Variants in NAALADL2 observed in about 807,000 individuals in gnomAD.
NAALADL2 encodes N-acetylated alpha-linked acidic dipeptidase like 2.
A neutral mutation model predicts 87.2 loss-of-function variants in NAALADL2; 76 were observed. The observed-to-expected ratio is 0.87, with a 90% confidence interval of 0.72 to 1.05. NAALADL2 has a LOEUF of 1.05. NAALADL2 is among the 50% of genes least tolerant of loss of function. The pLI is 0.00. For missense variants in NAALADL2, 1,089 were observed against 945.8 expected (o/e 1.15, Z -1.99); for synonymous variants, 354 against 331.0 (o/e 1.07, Z -0.75).
chr3:175,072,370 AGTT>A (rs10565793), intron 1 of NAALADL2, among the ~76,000 whole-genome samples: 16,947 of 151,986 alleles, frequency 0.11, 1,061 homozygotes, highest in East Asian at 0.21. Context: ...AATAAATGCT[AGTT>A]GTTATTTTTA....
intron 2 of NAALADL2, among the ~76,000 whole-genome samples, chr3:174,554,588 A>G (rs1321085038): frequency 6.6e-6 from 1 of 152,016 alleles, no homozygotes; most frequent in African/African-American, 2.4e-5. Flanking sequence ...GAAGCATGTC[A>G]TTTATTATTC....
chr3:174,637,233 T>A (rs2108717667), intron 2 of NAALADL2, among the ~76,000 whole-genome samples: 1 of 152,134 alleles, frequency 6.6e-6, no homozygotes, highest in South Asian at 2.1e-4. Flanking sequence ...TACAGTTAGA[T>A]AGAAGGTATA....
chr3:174,769,640 A>G (rs1294668087), intron 3 of NAALADL2, among the ~76,000 whole-genome samples: 2 of 151,566 alleles, frequency 1.3e-5, no homozygotes, highest in African/African-American at 2.4e-5. Flanking sequence ...TCATAAAAAT[A>G]CAATGAAAAA....
At chr3:174,919,456 T>C (rs9808985) in intron 1 of NAALADL2, among the ~76,000 whole-genome samples, 35,607 of 152,128 alleles carry the variant, frequency 0.23, 4,455 homozygotes, top group East Asian at 0.35. Flanking sequence ...GAAACCACTG[T>C]CTTTGCTCAT....
chr3:175,796,766 T>C (rs929096825), intron 13 of NAALADL2, among the ~76,000 whole-genome samples: 1 of 152,220 alleles, frequency 6.6e-6, no homozygotes, highest in Non-Finnish European at 1.5e-5. Context: ...TAGGAGTTTC[T>C]CAACATGGGG....
intron 1 of NAALADL2, among the ~76,000 whole-genome samples, chr3:175,012,503 G>C (rs1749971899): frequency 6.6e-6 from 1 of 152,034 alleles, no homozygotes; most frequent in Non-Finnish European, 1.5e-5. Flanking sequence ...GTTTACTCCT[G>C]AATTGTCATT....
At chr3:174,951,099 G>T (rs570397875) in intron 1 of NAALADL2, among the ~76,000 whole-genome samples, 3 of 152,104 alleles carry the variant, frequency 2.0e-5, no homozygotes. Flanking sequence ...AGAGAATAAT[G>T]CTTAAAATTT....
chr3:175,704,714 G>A (rs920032551), intron 11 of NAALADL2, among the ~76,000 whole-genome samples: 1 of 151,972 alleles, frequency 6.6e-6, no homozygotes, highest in Non-Finnish European at 1.5e-5. Flanking sequence ...GGATATTTTG[G>A]TGACTTTAAA....
chr3:174,756,963 C>T (rs530493352), intron 3 of NAALADL2, among the ~76,000 whole-genome samples: 14 of 152,060 alleles, frequency 9.2e-5, no homozygotes, highest in Non-Finnish European at 1.8e-4. Flanking sequence ...AAAAACAAAA[C>T]AAAACAAAAC....
At chr3:174,844,822 ATTAG>A (rs753786391) in intron 3 of NAALADL2, among the ~76,000 whole-genome samples, 110 of 59,892 alleles carry the variant, frequency 1.8e-3, no homozygotes, top group Middle Eastern at 0.011. Context: ...GAACTTGTTT[ATTAG>A]TTCTAATGGT....
At chr3:174,611,213 G>A (rs1018599512) in intron 2 of NAALADL2, among the ~76,000 whole-genome samples, 2 of 151,430 alleles carry the variant, frequency 1.3e-5, no homozygotes, top group Admixed American at 6.6e-5. Flanking sequence ...ACACCTAATG[G>A]TAAATGATGA....
intron 2 of NAALADL2, among the ~76,000 whole-genome samples, chr3:175,216,663 CTTTTCTTTTTTTTTTT>C (rs1560177829): frequency 1.4e-4 from 6 of 43,356 alleles, no homozygotes; most frequent in African/African-American, 4.0e-4. Flanking sequence ...CTTTTTTTTT[CTTTTCTTTTTTTTTTT>C]TTTTTTTGAG....
chr3:174,610,450 A>G (rs1719699684), intron 2 of NAALADL2, among the ~76,000 whole-genome samples: 3 of 152,024 alleles, frequency 2.0e-5, no homozygotes, highest in Non-Finnish European at 2.9e-5. Context: ...ATCTACAATG[A>G]ACTCCAACAA....
intron 2 of NAALADL2, among the ~76,000 whole-genome samples, chr3:174,619,024 T>C (rs1720748795): frequency 6.6e-6 from 1 of 151,904 alleles, no homozygotes. Flanking sequence ...TTTAAAAAAT[T>C]AATGCAGAGA....
chr3:175,690,268 T>C (rs1458338782), intron 11 of NAALADL2, among the ~76,000 whole-genome samples: 4 of 151,952 alleles, frequency 2.6e-5, no homozygotes, highest in Admixed American at 6.6e-5. Context: ...TTTAGAGAGA[T>C]AAAAAGGCAC....
intron 13 of NAALADL2, chr3:175,775,039 G>A (rs1014385287): frequency 2.0e-5 from 3 of 149,922 alleles, no homozygotes; most frequent in African/African-American, 7.4e-5. Flanking sequence ...TTGACTCAAA[G>A]TAGGATGTTT....
intron 1 of NAALADL2, among the ~76,000 whole-genome samples, chr3:174,527,025 G>T (rs958003395): frequency 1.3e-5 from 2 of 152,058 alleles, no homozygotes; most frequent in African/African-American, 4.8e-5. Flanking sequence ...GGGTCATACT[G>T]CAGCTACTAA....
At chr3:175,644,883 A>G (rs1267254160) in intron 11 of NAALADL2, among the ~76,000 whole-genome samples, 1 of 152,182 alleles carries the variant, frequency 6.6e-6, no homozygotes, top group Admixed American at 6.5e-5. Flanking sequence ...AAGTGATTGC[A>G]ATAGCAAACA....
chr3:175,055,964 T>G (rs1477916571), intron 1 of NAALADL2, among the ~76,000 whole-genome samples: 1 of 152,152 alleles, frequency 6.6e-6, no homozygotes, highest in Non-Finnish European at 1.5e-5. Context: ...CTATAATATT[T>G]CCCTGTTGAT....
Sources: gnomAD v4.1 joint callset for allele counts (sites outside exome capture counted in the v4.1 genomes callset) on GRCh38, gnomAD v4.1.1 for gene constraint, MANE v1.5 for transcripts, NCBI Gene and HGNC (gene_info 2026-07-23, HGNC 2026-07-21) for gene names.